Variants in NAA30 observed in about 807,000 individuals in gnomAD.
The protein encoded by NAA30 is N-alpha-acetyltransferase 30, NatC catalytic subunit.
A neutral mutation model predicts 31.4 loss-of-function variants in NAA30; 5 were observed. The ratio of observed to expected loss-of-function variants is 0.16; its 90% CI spans 0.08 to 0.33. NAA30 has a LOEUF of 0.33. Among genes scored for constraint, NAA30 ranks in the 10% least tolerant of loss-of-function variants. The probability of loss-of-function intolerance (pLI) is 1.00; values close to 1 mark genes in which losing one functional copy is unlikely to be tolerated. For synonymous variants in NAA30, 222 were observed against 207.1 expected (o/e 1.07, Z -0.62); for missense variants, 428 against 490.8 (o/e 0.87, Z 1.21).
intron 1 of NAA30, 103 bp downstream of exon 1, chr14:57,390,808 G>C: frequency 1.4e-6 from 1 of 717,746 alleles, no homozygotes; most frequent in Non-Finnish European, 2.0e-6. Context: ...AAGAGCGGGG[G>C]GGTGGCGGGG....
In NAA30 at chr14:57,391,875, G is replaced by A; in HGVS notation, c.771+147G>A. 2 of 683,112 alleles carry A rather than the reference G, an allele frequency of 2.9e-6. No individual in the cohort carries two copies. Among genetic ancestry groups the A allele is most frequent in the South Asian group, 4.0e-5 (2 of 49,926 alleles). 42.3% of individuals were successfully genotyped at this position (683,112 alleles called of 1,614,324 possible). On this transcript the variant is annotated intron_variant, in intron 2 of 4. Transcript: ENST00000556492. The surrounding 1 kb of genome is among the most constrained non-coding windows in gnomAD (Gnocchi z 4.1). ...ATGTCAAGTGCTGTACACATTCCTA[G>A]TTATTTAATGAAATTGTTTTGAAGG...
At position 57,390,596 on chromosome 14, in the gene NAA30, C is replaced by CG; in HGVS notation, c.-109dup. ...CAGCTGAGGCGCTTTACGGCGACGG[C>CG]GGCTGAGTGAGAACCTTGGCGGCTG... On this transcript the variant is annotated 5_prime_UTR_variant, in exon 1 of 5. Transcript: ENST00000556492. 1 of 284,978 alleles carries CG rather than the reference C, an allele frequency of 3.5e-6. No individual in the cohort carries two copies. Among genetic ancestry groups the CG allele is most frequent in the Non-Finnish European group, 6.5e-6 (1 of 153,508 alleles). 17.7% of individuals were successfully genotyped at this position (284,978 alleles called of 1,614,324 possible).
At position 57,411,676 on chromosome 14, in the gene NAA30, A is replaced by G. The variant is rs1022865882; in HGVS notation, c.*2160A>G. The G allele has an allele frequency of 6.6e-6, 1 of 152,136 alleles. No homozygotes were observed. The highest frequency in any genetic ancestry group is 2.4e-5 in the African/African-American group (1 of 41,456). The allele number at this position is 152,136 out of a possible 1,614,324, so 9.4% of individuals were successfully genotyped here. Reference sequence around the variant, plus strand: ...GTTAACTGTGTGACTAAAAAGTCAGATGGTTGCCATATTGTTTGGAATATG... The same window carrying G: ...GTTAACTGTGTGACTAAAAAGTCAGGTGGTTGCCATATTGTTTGGAATATG... On this transcript the variant is annotated 3_prime_UTR_variant, in exon 5 of 5. Coordinates refer to ENST00000556492, the MANE Select transcript of NAA30 (RefSeq NM_001011713.3).
At chr14:57,402,918 C>T (rs967365361) in intron 4 of NAA30, among the ~76,000 whole-genome samples, 4 of 152,200 alleles carry the variant, frequency 2.6e-5, no homozygotes, top group Admixed American at 6.5e-5. Context: ...CTGTGGCTCA[C>T]GCCTGTAATC....
intron 4 of NAA30, among the ~76,000 whole-genome samples, chr14:57,406,374 A>C (rs2066498140): frequency 6.6e-6 from 1 of 152,186 alleles, no homozygotes; most frequent in Admixed American, 6.5e-5. Flanking sequence ...TCTTGTCTTA[A>C]GTAGGTTAGA....
chr14:57,390,611 C>T lies in NAA30; in HGVS notation c.-96C>T, dbSNP rs963865046. The T allele has an allele frequency of 1.6e-5, 5 of 316,110 alleles. No homozygotes were observed. The highest frequency in any genetic ancestry group is 2.2e-5 in the African/African-American group (1 of 46,300). The allele number at this position is 316,110 out of a possible 1,614,324, so 19.6% of individuals were successfully genotyped here. ...ACGGCGACGGCGGCTGAGTGAGAAC[C>T]TTGGCGGCTGTGGAGGCTGCCGCGG... On this transcript the variant is annotated 5_prime_UTR_variant, in exon 1 of 5. Transcript: ENST00000556492.
At chr14:57,395,730 T>C (rs1233342616) in intron 2 of NAA30, among the ~76,000 whole-genome samples, 3 of 152,158 alleles carry the variant, frequency 2.0e-5, no homozygotes, top group Non-Finnish European at 4.4e-5. Context: ...AGCTTTGATT[T>C]TGAACTATAA....
Position 57,391,417 on chromosome 14 carries a change from G to C in NAA30, c.460G>C (p.Val154Leu). Residue 154 changes from valine (V) to leucine (L), a missense_variant, in exon 2 of 5, where the codon GTG (valine) becomes CTG (leucine). By Grantham distance (32) the Val-to-Leu change is conservative (BLOSUM62 1). Around this residue, in one of 2 missense-constraint regions of NAA30, gnomAD observed 349 missense variants for 310.4 expected, o/e 1.12. Coordinates refer to ENST00000556492, the MANE Select transcript of NAA30 (RefSeq NM_001011713.3). The surrounding 1 kb of genome is among the most constrained non-coding windows in gnomAD (Gnocchi z 4.1). ...SNARTAVPSP[V>L]EAAAASDPAA... ...TGCAAGAACTGCGGTCCCCAGCCCG[G>C]TGGAGGCAGCGGCGGCGAGCGATCC... 3 of 1,607,610 alleles carry C rather than the reference G, an allele frequency of 1.9e-6. No individual in the cohort carries two copies. The Admixed American group carries it at 5.1e-5, about 27-fold the overall frequency.
At chr14:57,390,909 C>G (rs766799757) in intron 1 of NAA30, 48 bp from the exon 2 acceptor site, 3 of 1,451,324 alleles carry the variant, frequency 2.1e-6, no homozygotes, top group Admixed American at 5.5e-5. Context: ...TCTCCGCGCT[C>G]CTCGGCCGGG....
At chr14:57,395,365 A>G (rs1408457712) in intron 2 of NAA30, among the ~76,000 whole-genome samples, 1 of 152,212 alleles carries the variant, frequency 6.6e-6, no homozygotes, top group East Asian at 1.9e-4. Flanking sequence ...AAAAAGTCAC[A>G]AATTTAAAAT....
chr14:57,391,130 G>C lies in NAA30; in HGVS notation c.173G>C (p.Gly58Ala), dbSNP rs746237071. 1.3e-6 allele frequency: 2 copies of C among 1,578,344 alleles called. No individual in the cohort carries two copies. The highest frequency in any genetic ancestry group is 4.6e-5 in the East Asian group (2 of 43,874). ...GGCGGCGGCAGCAGGAGCCCGGCGGGCGGAGAGTCGGCGACGGTGGCGGCC... is the reference window on the plus strand; with the variant it reads ...GGCGGCGGCAGCAGGAGCCCGGCGGCCGGAGAGTCGGCGACGGTGGCGGCC... ...HEGGGSRSPA[G>A]GESATVAAKG... The change falls in exon 2 of 5, where the codon GGC becomes GCC. Residue 58 changes from glycine to alanine, a missense_variant. Gly to Ala is a moderately conservative substitution (Grantham distance 60, BLOSUM62 0). Around this residue, in one of 2 missense-constraint regions of NAA30, gnomAD observed 349 missense variants for 310.4 expected, o/e 1.12. Transcript: ENST00000556492. The surrounding 1 kb of genome is among the most constrained non-coding windows in gnomAD (Gnocchi z 4.1).
chr14:57,394,975 T>C (rs1460979649), intron 2 of NAA30, among the ~76,000 whole-genome samples: 1 of 152,200 alleles, frequency 6.6e-6, no homozygotes, highest in Non-Finnish European at 1.5e-5. Flanking sequence ...ATTTTATGTA[T>C]GTGTATGTAT....
chr14:57,390,857 T>C (rs973808903), intron 1 of NAA30, 100 bp from the exon 2 acceptor site: 3 of 1,235,294 alleles, frequency 2.4e-6, no homozygotes, highest in Non-Finnish European at 3.2e-6. Flanking sequence ...TTTCTGCCTT[T>C]GTTCCCCCCA....
rs1365430089 is a variant in NAA30, at chr14:57,411,613, C to G, written c.*2097C>G. The G allele has an allele frequency of 1.3e-5, 2 of 152,082 alleles. No individual in the cohort carries two copies. Among genetic ancestry groups the G allele is most frequent in the East Asian group, 3.8e-4 (2 of 5,196 alleles). 9.4% of individuals were successfully genotyped at this position (152,082 alleles called of 1,614,324 possible). ...TACTGACCTTTTCCTCCAAAATTGC[C>G]AAATTGACTGAACTGGTTGGGTGTT... On this transcript the variant is annotated 3_prime_UTR_variant, in exon 5 of 5. Coordinates refer to ENST00000556492, the MANE Select transcript of NAA30 (RefSeq NM_001011713.3).
At chr14:57,394,379 C>G (rs1250372356) in intron 2 of NAA30, among the ~76,000 whole-genome samples, 2 of 151,986 alleles carry the variant, frequency 1.3e-5, no homozygotes, top group Non-Finnish European at 2.9e-5. Context: ...ACTGACAACC[C>G]TTTGGCCTTG....
In NAA30 at chr14:57,415,374, C is replaced by A. The variant is rs2139770826; in HGVS notation, c.*5858C>A. 6.6e-6 allele frequency: 1 copy of A among 152,206 alleles called. No individual in the cohort carries two copies. The highest frequency in any genetic ancestry group is 1.9e-4 in the East Asian group (1 of 5,180). The allele number at this position is 152,206 out of a possible 1,614,324, so 9.4% of individuals were successfully genotyped here. On this transcript the variant is annotated 3_prime_UTR_variant, in exon 5 of 5. Transcript: ENST00000556492. Reference sequence around the variant, plus strand: ...ATGTCTCCTATGTTTTCCTTTCATGCCAAAGAAACTCACCCTTTTTAAAAG... The same window carrying A: ...ATGTCTCCTATGTTTTCCTTTCATGACAAAGAAACTCACCCTTTTTAAAAG...
rs2066540157 is a variant in NAA30, at chr14:57,414,809, G to C, written c.*5293G>C. On this transcript the variant is annotated 3_prime_UTR_variant, in exon 5 of 5. Transcript: ENST00000556492. ...GACAGTGCCAGGCTTGGTACAACCT[G>C]TTAACACTGTTGAGGAAAGAGCTCA... 6.6e-6 allele frequency: 1 copy of C among 152,148 alleles called. No homozygotes were observed. The highest frequency in any genetic ancestry group is 2.1e-4 in the South Asian group (1 of 4,818). The allele number at this position is 152,148 out of a possible 1,614,324, so 9.4% of individuals were successfully genotyped here. A position where few individuals can be genotyped will look rare whatever the true frequency, so the allele number is the denominator to read the frequency against.
intron 4 of NAA30, among the ~76,000 whole-genome samples, chr14:57,408,289 T>A (rs1424246755): frequency 6.6e-6 from 1 of 152,046 alleles, no homozygotes; most frequent in African/African-American, 2.4e-5. Context: ...CTCAATGAAA[T>A]AAGTTGAGAA....
rs11326184 is a variant in NAA30 at position 57,394,110 on chromosome 14, TAAA to T, written c.771+2398_771+2400del. ...TGATTCTTCCTAATTGTAAAAGATG[TAAA>T]AAAAAAAAAAAAAAAGGACAAATGT... On this transcript the variant is annotated intron_variant, in intron 2 of 4. Transcript: ENST00000556492. 3.9e-3 allele frequency among the ~76,000 whole-genome samples: 541 copies of T among 137,246 alleles called. 3 individuals carry two copies. Among genetic ancestry groups the T allele is most frequent in the African/African-American group, 0.013 (474 of 36,592 alleles). 90.0% of individuals were successfully genotyped at this position (137,246 alleles called of 152,430 possible).
Sources: allele counts gnomAD v4.1 joint callset (sites outside exome capture counted in the v4.1 genomes callset), GRCh38; gene constraint gnomAD v4.1.1; regional missense constraint gnomAD v4.1.1; non-coding constraint Gnocchi (gnomAD v3.1); transcripts MANE v1.5; gene names NCBI Gene and HGNC (gene_info 2026-07-23, HGNC 2026-07-21).